The following COMMD1 variants were observed in gnomAD, a reference collection of about 807,000 sequenced individuals.
The protein encoded by COMMD1 is COMM domain-containing protein 1.
A neutral mutation model predicts 17.2 loss-of-function variants in COMMD1; 10 were observed. The observed-to-expected ratio is 0.58, with a 90% CI of 0.36 to 0.99. The LOEUF is 0.99. Among genes scored for constraint, COMMD1 ranks in the 50% least tolerant of loss-of-function variants. The pLI, the probability that COMMD1 is intolerant of heterozygous loss-of-function variation, is 0.01. For missense variants in COMMD1, 270 were observed against 231.8 expected, an observed-to-expected ratio of 1.17 and a Z score of -1.07; for synonymous variants, 97 against 91.6, an observed-to-expected ratio of 1.06 and a Z score of -0.34.
intron 1 of COMMD1, among the ~76,000 whole-genome samples, chr2:61,947,513 G>A (rs1221070880): frequency 2.6e-5 from 4 of 151,852 alleles, no homozygotes; most frequent in African/African-American, 7.3e-5. Context: ...GTGAAACCCT[G>A]TCTCTACTAA....
intron 2 of COMMD1, among the ~76,000 whole-genome samples, chr2:62,036,703 A>G (rs1211791806): frequency 6.6e-6 from 1 of 152,178 alleles, no homozygotes; most frequent in Non-Finnish European, 1.5e-5. Context: ...TGCTTTGTAG[A>G]CATAGCCTGT....
intron 1 of COMMD1, among the ~76,000 whole-genome samples, chr2:61,953,393 G>T (rs1241838135): frequency 6.6e-5 from 9 of 136,780 alleles, no homozygotes; most frequent in Admixed American, 2.2e-4. Flanking sequence ...TTTTGAGACT[G>T]AGTCTCATTC....
chr2:62,096,532 C>G (rs902610424), intron 2 of COMMD1, among the ~76,000 whole-genome samples: 2 of 152,168 alleles, frequency 1.3e-5, no homozygotes, highest in Non-Finnish European at 2.9e-5. Flanking sequence ...TTTTTCCCCC[C>G]TCTTCCCAGT....
At chr2:62,066,488 T>G (rs961085262) in intron 2 of COMMD1, among the ~76,000 whole-genome samples, 1 of 148,994 alleles carries the variant, frequency 6.7e-6, no homozygotes, top group Non-Finnish European at 1.5e-5. Context: ...CAGGCTGGAG[T>G]GCAGTGGTGC....
rs571063619 is a variant in COMMD1, at chr2:62,103,092, C to T, written c.463-32739C>T. ...CTCCTGGGTTCAGGCCATTCTCCTGCCTCAGCCTCCAGAGAAGCTGGGACT... is the reference window on the plus strand; with the variant it reads ...CTCCTGGGTTCAGGCCATTCTCCTGTCTCAGCCTCCAGAGAAGCTGGGACT... On this transcript the variant is annotated intron_variant, in intron 2 of 2. Transcript: ENST00000311832. Among the ~76,000 whole-genome samples, 237 of 152,064 alleles carry T rather than the reference C, an allele frequency of 1.6e-3. 2 individuals carry two copies. Among genetic ancestry groups the T allele is most frequent in the African/African-American group, 4.6e-3 (189 of 41,468 alleles).
At chr2:62,072,811 G>A (rs1671235071) in intron 2 of COMMD1, among the ~76,000 whole-genome samples, 1 of 152,208 alleles carries the variant, frequency 6.6e-6, no homozygotes, top group Non-Finnish European at 1.5e-5. Flanking sequence ...ACCCTTGTAC[G>A]GGGCTCATGC....
At chr2:61,900,646 C>T (rs1045038322) in intron 1 of COMMD1, among the ~76,000 whole-genome samples, 2 of 152,132 alleles carry the variant, frequency 1.3e-5, no homozygotes, top group African/African-American at 4.8e-5. Context: ...GGTGGAAACA[C>T]AATTTTCAGG....
intron 1 of COMMD1, among the ~76,000 whole-genome samples, chr2:61,961,215 C>T (rs1671335429): frequency 6.6e-6 from 1 of 152,244 alleles, no homozygotes; most frequent in South Asian, 2.1e-4. Flanking sequence ...GCTGTCCAGC[C>T]ACCAAACAAA....
chr2:62,082,934 T>C (rs1241827243), intron 2 of COMMD1, among the ~76,000 whole-genome samples: 1 of 152,098 alleles, frequency 6.6e-6, no homozygotes, highest in African/African-American at 2.4e-5. Context: ...CCAATTCCCC[T>C]TTTTAGCATC....
At chr2:61,908,307 A>G (rs1164758574) in intron 1 of COMMD1, among the ~76,000 whole-genome samples, 2 of 150,532 alleles carry the variant, frequency 1.3e-5, no homozygotes, top group African/African-American at 4.9e-5. Flanking sequence ...GCTCACTACA[A>G]CCTCCACCTC....
chr2:61,898,825 C>T (rs746987712), intron 1 of COMMD1, among the ~76,000 whole-genome samples: 4 of 152,096 alleles, frequency 2.6e-5, no homozygotes, highest in Admixed American at 6.6e-5. Flanking sequence ...TTTTTCTTAC[C>T]GTTTCCTTGC....
chr2:62,064,945 T>C (rs777654727), intron 2 of COMMD1, among the ~76,000 whole-genome samples: 11 of 152,102 alleles, frequency 7.2e-5, no homozygotes, highest in Non-Finnish European at 1.6e-4. Context: ...GGCAGATAGA[T>C]TGCTTGAATC....
chr2:61,920,975 ATATATATT>A (rs1406274757), intron 1 of COMMD1, among the ~76,000 whole-genome samples: 1 of 135,344 alleles, frequency 7.4e-6, no homozygotes, highest in Non-Finnish European at 1.6e-5. Flanking sequence ...GTATATATAT[ATATATATT>A]TTTTTTTTTT....
At chr2:62,088,394 G>C (rs1266815087) in intron 2 of COMMD1, among the ~76,000 whole-genome samples, 1 of 152,106 alleles carries the variant, frequency 6.6e-6, no homozygotes, top group Non-Finnish European at 1.5e-5. Flanking sequence ...TAAATGTACT[G>C]TGGGCACTTT....
intron 1 of COMMD1, among the ~76,000 whole-genome samples, chr2:61,890,453 A>G (rs1037168255): frequency 2.0e-5 from 3 of 152,136 alleles, no homozygotes; most frequent in African/African-American, 7.2e-5. Flanking sequence ...TCCCGAGCTC[A>G]GGTGATAGGC....
In COMMD1 at chr2:61,994,330, A is replaced by G. The variant is rs115194941; in HGVS notation, c.181-6371A>G. Among the ~76,000 whole-genome samples, 753 of 152,312 alleles carry G rather than the reference A, an allele frequency of 4.9e-3. 7 individuals are homozygous for G. The highest frequency in any genetic ancestry group is 0.017 in the African/African-American group (716 of 41,558). On this transcript the variant is annotated intron_variant, in intron 1 of 2. Coordinates refer to ENST00000311832, the MANE Select transcript of COMMD1 (RefSeq NM_152516.4). Reference sequence around the variant, plus strand: ...ATAGCCAGAGGTTTGGGGTCCTGCTATCTGGTAAATAGGCAGATATTCAGT... The same window carrying G: ...ATAGCCAGAGGTTTGGGGTCCTGCTGTCTGGTAAATAGGCAGATATTCAGT...
rs138238933 is a variant in COMMD1, at chr2:62,109,207, A to G, written c.463-26624A>G. On this transcript the variant is annotated intron_variant, in intron 2 of 2. Coordinates refer to ENST00000311832, the MANE Select transcript of COMMD1 (RefSeq NM_152516.4). ...GAAAGAATTAGCATACCAAGAAATG[A>G]AAACCTTTCAGAAAGTAATTTTCTG... Among the ~76,000 whole-genome samples the G allele has an allele frequency of 5.2e-4, 79 of 152,354 alleles. No homozygotes were observed. The East Asian group carries it at 0.015, about 29-fold the overall frequency.
intron 1 of COMMD1, among the ~76,000 whole-genome samples, chr2:61,941,087 G>A (rs1670735999): frequency 6.6e-6 from 1 of 151,274 alleles, no homozygotes; most frequent in African/African-American, 2.4e-5. Context: ...GAGTGCGGTG[G>A]CGCGATCTTG....
chr2:62,129,511 TG>T (rs1672968657), intron 2 of COMMD1, among the ~76,000 whole-genome samples: 1 of 152,178 alleles, frequency 6.6e-6, no homozygotes. Flanking sequence ...CCAGGTCTCT[TG>T]AAGTAAAGGA....
Sources: gnomAD v4.1 joint callset for allele counts (sites outside exome capture counted in the v4.1 genomes callset) on GRCh38, gnomAD v4.1.1 for gene constraint, MANE v1.5 for transcripts, NCBI Gene and HGNC (gene_info 2026-07-23, HGNC 2026-07-21) for gene names.